ARL13B: variants seen among roughly 807,000 people sequenced by gnomAD.
ARL13B encodes the protein ADP-ribosylation factor-like protein 13B.
In ARL13B, 36 loss-of-function variants were observed where a neutral mutation model predicts 56.1. That is an observed-to-expected ratio of 0.64 (90% CI 0.49 to 0.85). ARL13B has a LOEUF of 0.85. Ranked by LOEUF, ARL13B falls within the 40% of genes least tolerant of loss-of-function variation. The pLI, the probability that ARL13B is intolerant of heterozygous loss-of-function variation, is 0.00. For missense variants in ARL13B, 519 were observed against 507.1 expected (o/e 1.02, Z -0.23); for synonymous variants, 178 against 171.1 (o/e 1.04, Z -0.32).
chr3:93,986,604 T>C (rs1428890585), intron 1 of ARL13B, among the ~76,000 whole-genome samples: 3 of 152,220 alleles, frequency 2.0e-5, no homozygotes, highest in Non-Finnish European at 4.4e-5. Flanking sequence ...AGTTCCGATG[T>C]GTCAAACTTT....
intron 3 of ARL13B, among the ~76,000 whole-genome samples, chr3:94,032,091 C>A (rs1367840454): frequency 2.6e-5 from 4 of 152,124 alleles, no homozygotes; most frequent in Non-Finnish European, 4.4e-5. Context: ...TAAGTAAAAA[C>A]TTCTGCACAG....
chr3:93,980,768 A>G (rs1279188483), intron 1 of ARL13B, among the ~76,000 whole-genome samples: 1 of 151,452 alleles, frequency 6.6e-6, no homozygotes, highest in East Asian at 1.9e-4. Context: ...TGTGGAATTG[A>G]AAACTATCCA....
At chr3:94,030,288 G>A (rs1053806855) in intron 3 of ARL13B, among the ~76,000 whole-genome samples, 7 of 151,778 alleles carry the variant, frequency 4.6e-5, no homozygotes, top group Admixed American at 2.6e-4. Context: ...GTGCAGTGGC[G>A]CGATCTCGGC....
intron 1 of ARL13B, 63 bp downstream of exon 1, chr3:93,980,545 A>G (rs944957768): frequency 1.9e-6 from 3 of 1,590,538 alleles, no homozygotes; most frequent in African/African-American, 2.7e-5. Flanking sequence ...CCCAGGGGCG[A>G]GGCGCCGCCT....
At chr3:94,049,358 G>C in intron 7 of ARL13B, 48 bp from the exon 8 acceptor site, 1 of 1,110,482 alleles carries the variant, frequency 9.0e-7, no homozygotes, top group African/African-American at 1.6e-5. Context: ...TATTATAAAA[G>C]TGCACTTTTT....
At chr3:94,018,091 T>A (rs1244652443) in intron 3 of ARL13B, among the ~76,000 whole-genome samples, 2 of 152,158 alleles carry the variant, frequency 1.3e-5, no homozygotes, top group African/African-American at 2.4e-5. Context: ...GATACAGGGG[T>A]GTCCCTATGT....
intron 3 of ARL13B, among the ~76,000 whole-genome samples, chr3:94,018,264 G>C (rs553882031): frequency 5.3e-5 from 8 of 151,668 alleles, no homozygotes; most frequent in African/African-American, 1.7e-4. Flanking sequence ...GGAGGGGGTG[G>C]GAGTAGTTCA....
chr3:94,051,629 A>G (rs2077069158), intron 9 of ARL13B, among the ~76,000 whole-genome samples: 2 of 152,190 alleles, frequency 1.3e-5, no homozygotes, highest in South Asian at 2.1e-4. Context: ...ATGCAAAAGA[A>G]TTATAGATAA....
chr3:94,042,120 TAAACTC>T (rs1431854649), intron 6 of ARL13B, among the ~76,000 whole-genome samples: 7 of 152,216 alleles, frequency 4.6e-5, no homozygotes, highest in African/African-American at 9.6e-5. Flanking sequence ...AATTTTAACT[TAAACTC>T]AAATGAAAAT....
intron 8 of ARL13B, 36 bp from the exon 9 acceptor site, chr3:94,050,788 T>A: frequency 6.3e-7 from 1 of 1,581,660 alleles, no homozygotes; most frequent in Non-Finnish European, 8.6e-7. Context: ...AAACCTTGTT[T>A]AACAGTGTTT....
chr3:94,011,219 C>T (rs1368983174), intron 3 of ARL13B, among the ~76,000 whole-genome samples: 2 of 152,128 alleles, frequency 1.3e-5, no homozygotes, highest in Non-Finnish European at 2.9e-5. Flanking sequence ...TTTCCTTCAT[C>T]ATACGTACCT....
intron 2 of ARL13B, chr3:93,996,517 C>CTT (rs754759037): frequency 5.2e-4 from 123 of 234,724 alleles, no homozygotes; most frequent in South Asian, 9.8e-4. Context: ...GGCTAGTCTT[C>CTT]TTTTTTTTTT....
chr3:94,043,332 G>T lies in ARL13B; in HGVS notation c.1024+92G>T, dbSNP rs1053921996. 6.1e-6 allele frequency: 7 copies of T among 1,145,374 alleles called. No individual in the cohort carries two copies. The South Asian group carries it at 1.1e-4, about 17-fold the overall frequency. The allele number at this position is 1,145,374 out of a possible 1,614,324, so 71.0% of individuals were successfully genotyped here. A position where few individuals can be genotyped will look rare whatever the true frequency, so the allele number is the denominator to read the frequency against. ...ATTTTTTATGTTTGTTTTTACAAAC[G>T]AGTACTTCAATATTTTTCTGTCTTC... On this transcript the variant is annotated intron_variant, in intron 7 of 9. Transcript: ENST00000394222.
intron 1 of ARL13B, among the ~76,000 whole-genome samples, chr3:93,995,038 T>A (rs2075941591): frequency 6.6e-6 from 1 of 152,198 alleles, no homozygotes; most frequent in Non-Finnish European, 1.5e-5. Context: ...GCAGTTTTCA[T>A]TTCCAAATCC....
At chr3:94,028,840 TA>T (rs1214989826) in intron 3 of ARL13B, among the ~76,000 whole-genome samples, 3 of 152,138 alleles carry the variant, frequency 2.0e-5, no homozygotes, top group Non-Finnish European at 4.4e-5. Flanking sequence ...CAAAACTTAC[TA>T]AAAATATGGA....
At chr3:93,990,949 T>C (rs1459233514) in intron 1 of ARL13B, among the ~76,000 whole-genome samples, 1 of 152,218 alleles carries the variant, frequency 6.6e-6, no homozygotes, top group Non-Finnish European at 1.5e-5. Flanking sequence ...TTGGGCTGGA[T>C]AAAGTCCCCT....
At chr3:93,999,544 G>A (rs558709680) in intron 2 of ARL13B, among the ~76,000 whole-genome samples, 3 of 152,128 alleles carry the variant, frequency 2.0e-5, no homozygotes, top group African/African-American at 7.2e-5. Context: ...GAAAAATTGG[G>A]TATCTATTCC....
Position 93,980,292 on chromosome 3 carries a change from T to C in ARL13B, c.-132T>C, listed in dbSNP as rs890689414. On this transcript the variant is annotated 5_prime_UTR_variant, in exon 1 of 10. Coordinates refer to ENST00000394222, the MANE Select transcript of ARL13B (RefSeq NM_001174150.2). ...TAGTGCTCGGGCCGGCCGCCTTCAC[T>C]TCCCTCCCGGCTTTTCCTCCCGACT... The C allele has an allele frequency of 7.2e-6, 9 of 1,251,704 alleles. No homozygotes were observed. The highest frequency in any genetic ancestry group is 5.9e-5 in the African/African-American group (4 of 67,552). The allele number at this position is 1,251,704 out of a possible 1,614,324, so 77.5% of individuals were successfully genotyped here. A position where few individuals can be genotyped will look rare whatever the true frequency, so the allele number is the denominator to read the frequency against.
At chr3:94,008,478 C>A (rs973124770) in intron 3 of ARL13B, among the ~76,000 whole-genome samples, 1 of 152,156 alleles carries the variant, frequency 6.6e-6, no homozygotes. Context: ...AAATTTTAAG[C>A]TCAACATCCA....
Sources: allele counts gnomAD v4.1 joint callset (sites outside exome capture counted in the v4.1 genomes callset), GRCh38; gene constraint gnomAD v4.1.1; transcripts MANE v1.5; gene names NCBI Gene and HGNC (gene_info 2026-07-23, HGNC 2026-07-21).